Variants in IFI16 observed in about 807,000 individuals in gnomAD.
IFI16 encodes the protein gamma-interferon-inducible protein 16.
Under a neutral mutation model 68.4 loss-of-function variants are expected in IFI16, and 49 were observed. The ratio of observed to expected loss-of-function variants is 0.72; its 90% CI spans 0.57 to 0.91. IFI16 has a LOEUF of 0.91. IFI16 is among the 40% of genes least tolerant of loss of function. The pLI is 0.00. For missense variants in IFI16, 878 were observed against 942.9 expected, an observed-to-expected ratio of 0.93 and a Z score of 0.90; for synonymous variants, 307 against 315.0, an observed-to-expected ratio of 0.97 and a Z score of 0.27.
chr1:159,014,806 G>C lies in IFI16; in HGVS notation c.126G>C (p.Glu42Asp). Residue 42 changes from glutamate (E) to aspartate (D), a missense_variant, in exon 2 of 12, where the codon GAG (glutamate) becomes GAC (aspartate). This residue lies in a region of IFI16 where 65 missense variants were observed against 96.9 expected (regional missense o/e 0.67). Coordinates refer to ENST00000295809, the MANE Select transcript of IFI16 (RefSeq NM_001376587.1). The stretch of plus-strand genomic sequence containing the variant: ...AACTTAATTTAAAAATGAGAGAAGA[G>C]TATGACAAAATTCAGATTGCTGACT... ...DLKLNLKMRE[E>D]YDKIQIADLM... 2 of 1,614,038 alleles carry C rather than the reference G, an allele frequency of 1.2e-6. No homozygotes were observed. The highest frequency in any genetic ancestry group is 1.7e-6 in the Non-Finnish European group (2 of 1,179,892).
intron 6 of IFI16, among the ~76,000 whole-genome samples, chr1:159,027,141 A>G (rs1054184456): frequency 3.3e-5 from 5 of 152,186 alleles, no homozygotes; most frequent in African/African-American, 1.2e-4. Context: ...TTCCCTGACC[A>G]GTATAATGTT....
intron 7 of IFI16, among the ~76,000 whole-genome samples, chr1:159,044,935 G>A (rs1654886846): frequency 6.6e-6 from 1 of 151,828 alleles, no homozygotes; most frequent in South Asian, 2.1e-4. Context: ...GAAAGGCCTA[G>A]TTAATAAATG....
At chr1:159,015,023 G>A in intron 2 of IFI16, 78 bp downstream of exon 2, 1 of 1,333,542 alleles carries the variant, frequency 7.5e-7, no homozygotes, top group Non-Finnish European at 1.0e-6. Flanking sequence ...CCCCACCTCG[G>A]ACATACTTGA....
chr1:159,023,638 A>T (rs12741223), intron 6 of IFI16, among the ~76,000 whole-genome samples: 22 of 149,562 alleles, frequency 1.5e-4, no homozygotes, highest in Non-Finnish European at 1.3e-4. Flanking sequence ...TTTTTTTTTT[A>T]GGTTGGTGAA....
At chr1:159,031,242 C>G (rs1169672149) in intron 6 of IFI16, among the ~76,000 whole-genome samples, 2 of 152,104 alleles carry the variant, frequency 1.3e-5, no homozygotes, top group Non-Finnish European at 2.9e-5. Context: ...TGAGAACTTG[C>G]TACCAGCCTC....
intron 6 of IFI16, among the ~76,000 whole-genome samples, chr1:159,023,847 A>G (rs1653486458): frequency 6.6e-6 from 1 of 152,026 alleles, no homozygotes; most frequent in South Asian, 2.1e-4. Flanking sequence ...ACCAAATTTT[A>G]CTCTTGCCGT....
chr1:159,047,694 GACCA>G (rs2101918347), intron 8 of IFI16, among the ~76,000 whole-genome samples: 1 of 149,310 alleles, frequency 6.7e-6, no homozygotes, highest in Admixed American at 6.8e-5. Flanking sequence ...AATGGTGTCT[GACCA>G]ATCAGTCTGT....
At chr1:159,025,176 C>T (rs1055983965) in intron 6 of IFI16, among the ~76,000 whole-genome samples, 1 of 152,140 alleles carries the variant, frequency 6.6e-6, no homozygotes, top group Non-Finnish European at 1.5e-5. Flanking sequence ...CATGGTGACG[C>T]CTCCCGCTCC....
chr1:159,039,596 G>A (rs972492193), intron 7 of IFI16, among the ~76,000 whole-genome samples: 16 of 152,018 alleles, frequency 1.1e-4, no homozygotes, highest in African/African-American at 2.7e-4. Context: ...CTCCCGCCTC[G>A]GCCTCCCAAA....
intron 6 of IFI16, among the ~76,000 whole-genome samples, chr1:159,022,732 G>A (rs1043050737): frequency 2.0e-5 from 3 of 152,214 alleles, no homozygotes; most frequent in Non-Finnish European, 4.4e-5. Flanking sequence ...AGAACATAAA[G>A]TATATTGATT....
intron 7 of IFI16, 88 bp downstream of exon 7, chr1:159,032,779 T>A (rs1654084999): frequency 1.0e-6 from 1 of 995,930 alleles, no homozygotes; most frequent in Non-Finnish European, 1.4e-6. Flanking sequence ...TGCTGTAATC[T>A]CTGTGAATGG....
chr1:159,002,942 T>C (rs1268861250), upstream of IFI16, among the ~76,000 whole-genome samples: 1 of 152,202 alleles, frequency 6.6e-6, no homozygotes, highest in Non-Finnish European at 1.5e-5. Flanking sequence ...AAGAGGGATG[T>C]TCAAGCCAGA....
rs1384139789 is a variant in IFI16, at chr1:159,009,967, C to T, written c.-215C>T. 6.6e-6 allele frequency: 1 copy of T among 152,316 alleles called. No homozygotes were observed. The highest frequency in any genetic ancestry group is 1.5e-5 in the Non-Finnish European group (1 of 68,024). 9.4% of individuals were successfully genotyped at this position (152,316 alleles called of 1,614,324 possible). A position where few individuals can be genotyped will look rare whatever the true frequency, so the allele number is the denominator to read the frequency against. On this transcript the variant is annotated 5_prime_UTR_variant, in exon 1 of 12. Coordinates refer to ENST00000295809, the MANE Select transcript of IFI16 (RefSeq NM_001376587.1). ...CAGCACTAGTCAGCTAACTAAGTGA[C>T]TCAACCAAGGCCTTTTTTCCTTGTT...
chr1:159,008,810 TCCAGAATTC>T (rs1652373802), upstream of IFI16, among the ~76,000 whole-genome samples: 1 of 152,214 alleles, frequency 6.6e-6, no homozygotes, highest in African/African-American at 2.4e-5. Flanking sequence ...TGGTTTCAAA[TCCAGAATTC>T]AGCTATTCAC....
At chr1:159,022,100 A>T (rs1305668709) in intron 6 of IFI16, among the ~76,000 whole-genome samples, 2 of 151,746 alleles carry the variant, frequency 1.3e-5, no homozygotes, top group Non-Finnish European at 2.9e-5. Flanking sequence ...AGTAGCTGGG[A>T]CTACAGGCGC....
chr1:159,016,641 G>C lies in IFI16; in HGVS notation c.490G>C (p.Gly164Arg). 1 of 1,614,102 alleles carries C rather than the reference G, an allele frequency of 6.2e-7. No homozygotes were observed. The highest frequency in any genetic ancestry group is 8.5e-7 in the Non-Finnish European group (1 of 1,180,008). The change falls in exon 4 of 12, where the codon GGC (glycine) becomes CGC (arginine). Residue 164 changes from glycine to arginine, a missense_variant. Physicochemically the swap from Gly to Arg is moderately radical, Grantham distance 125. Around this residue, in one of 4 missense-constraint regions of IFI16, gnomAD observed 443 missense variants for 421.8 expected, o/e 1.05. Coordinates refer to ENST00000295809, the MANE Select transcript of IFI16 (RefSeq NM_001376587.1). ...PAGAGMSTAM[G>R]RSPSPKTSLS... Reference sequence around the variant, plus strand: ...AGGAGCCGGCATGTCCACAGCCATGGGCCGTTCCCCATCTCCCAAGACCTC... The same window carrying C: ...AGGAGCCGGCATGTCCACAGCCATGCGCCGTTCCCCATCTCCCAAGACCTC...
chr1:159,007,246 A>T (rs1652294360), upstream of IFI16, among the ~76,000 whole-genome samples: 1 of 152,242 alleles, frequency 6.6e-6, no homozygotes, highest in Non-Finnish European at 1.5e-5. Flanking sequence ...TGGGAAAATC[A>T]GATTCTGTGT....
intron 3 of IFI16, 139 bp from the exon 4 acceptor site, chr1:159,016,394 G>T: frequency 1.5e-6 from 1 of 686,544 alleles, no homozygotes; most frequent in Non-Finnish European, 2.4e-6. Context: ...CTCTTAAACT[G>T]GCGAGAGATG....
chr1:159,009,831 T>C (rs1652434393), upstream of IFI16: 1 of 151,428 alleles, frequency 6.6e-6, no homozygotes, highest in Non-Finnish European at 1.5e-5. Flanking sequence ...GCCAGGAAAC[T>C]GTTCATTTTC....
Sources: allele counts gnomAD v4.1 joint callset (sites outside exome capture counted in the v4.1 genomes callset), GRCh38; gene constraint gnomAD v4.1.1; regional missense constraint gnomAD v4.1.1; transcripts MANE v1.5; gene names NCBI Gene and HGNC (gene_info 2026-07-23, HGNC 2026-07-21).